The following SLC51A variants were observed in gnomAD, a reference collection of about 807,000 sequenced individuals.
SLC51A encodes organic solute transporter subunit alpha.
In SLC51A, 22 loss-of-function variants were observed where a neutral mutation model predicts 34.8. That is an observed-to-expected ratio of 0.63 (90% CI 0.45 to 0.90). The LOEUF (loss-of-function observed/expected upper bound fraction) is 0.90. Ranked by LOEUF, SLC51A falls within the 40% of genes least tolerant of loss-of-function variation. The probability of loss-of-function intolerance (pLI) is 0.00; values close to 1 mark genes in which losing one functional copy is unlikely to be tolerated. For synonymous variants in SLC51A, 181 were observed against 176.3 expected, an observed-to-expected ratio of 1.03 and a Z score of -0.21; for missense variants, 371 against 414.8, an observed-to-expected ratio of 0.89 and a Z score of 0.92.
At position 196,227,752 on chromosome 3, in the gene SLC51A, T is replaced by C; in HGVS notation, c.362+15T>C. ...ACCATCACCTCGTGAGTGCCCTGCCTCGCCCCACCTCCAAGGGCCCCTCTG... is the reference window on the plus strand; with the variant it reads ...ACCATCACCTCGTGAGTGCCCTGCCCCGCCCCACCTCCAAGGGCCCCTCTG... On this transcript the variant is annotated intron_variant, in intron 4 of 8. Coordinates refer to ENST00000296327, the MANE Select transcript of SLC51A (RefSeq NM_152672.6). 1 of 1,606,438 alleles carries C rather than the reference T, an allele frequency of 6.2e-7. No homozygotes were observed. The highest frequency in any genetic ancestry group is 8.5e-7 in the Non-Finnish European group (1 of 1,176,604).
At position 196,233,067 on chromosome 3, in the gene SLC51A, G is replaced by T. The variant is rs767262068; in HGVS notation, c.891G>T (p.Met297Ile). The T allele has an allele frequency of 1.2e-6, 2 of 1,614,102 alleles. No homozygotes were observed. Among genetic ancestry groups the T allele is most frequent in the Non-Finnish European group, 1.7e-6 (2 of 1,179,976 alleles). The change falls in exon 9 of 9, where the codon ATG (methionine) becomes ATT (isoleucine). Residue 297 changes from methionine (M) to isoleucine (I), a missense_variant. By Grantham distance (10) the Met-to-Ile change is conservative. Coordinates refer to ENST00000296327, the MANE Select transcript of SLC51A (RefSeq NM_152672.6). ...PYSSKTRSQV[M>I]NCHLLILETF... Reference sequence around the variant, plus strand: ...GTATTTCACCCTACACTGCAGTGATGAATTGCCACCTCCTCATACTGGAGA... The same window carrying T: ...GTATTTCACCCTACACTGCAGTGATTAATTGCCACCTCCTCATACTGGAGA...
At chr3:196,226,623 A>G (rs1180701306) in intron 2 of SLC51A, 1 of 162,590 alleles carries the variant, frequency 6.2e-6, no homozygotes, top group African/African-American at 2.4e-5. Flanking sequence ...AAAATATAAA[A>G]ATTAGCCGGG....
intron 1 of SLC51A, among the ~76,000 whole-genome samples, chr3:196,217,107 T>C (rs1723605077): frequency 6.6e-6 from 1 of 152,228 alleles, no homozygotes; most frequent in Non-Finnish European, 1.5e-5. Flanking sequence ...GTCCCTGGGC[T>C]GCTGCCCGAC....
At chr3:196,227,472 C>G in intron 3 of SLC51A, 192 bp from the exon 4 acceptor site, 2 of 618,390 alleles carry the variant, frequency 3.2e-6, no homozygotes. Flanking sequence ...CACCCTTACG[C>G]TGAGGCTTTT....
rs1189921144 is a variant in SLC51A, at chr3:196,228,508, A to C, written c.521+235A>C. ...TGCACCCTGCAAGCCTTAGCCACAC[A>C]GAGAAAACTGGACTTGGGGCCATTC... On this transcript the variant is annotated intron_variant, in intron 5 of 8. Coordinates refer to ENST00000296327, the MANE Select transcript of SLC51A (RefSeq NM_152672.6). This position sits in a 1 kb window ranked among gnomAD's most constrained non-coding sequence, Gnocchi z 4.9. The C allele has an allele frequency of 1.6e-6, 1 of 625,668 alleles. No individual in the cohort carries two copies. The highest frequency in any genetic ancestry group is 1.8e-5 in the African/African-American group (1 of 54,390). 38.8% of individuals were successfully genotyped at this position (625,668 alleles called of 1,614,324 possible).
intron 3 of SLC51A, 90 bp downstream of exon 3, chr3:196,227,209 G>GTCA: frequency 3.5e-6 from 5 of 1,433,100 alleles, no homozygotes; most frequent in South Asian, 1.3e-5. Context: ...CGTCACTTCG[G>GTCA]CAAAGAGTGT....
At position 196,227,821 on chromosome 3, in the gene SLC51A, G is replaced by A. The variant is rs79977409; in HGVS notation, c.362+84G>A. The A allele has an allele frequency of 3.5e-4, 472 of 1,330,680 alleles. 4 individuals carry two copies. The African/African-American group carries it at 6.4e-3, about 18-fold the overall frequency. 82.4% of individuals were successfully genotyped at this position (1,330,680 alleles called of 1,614,324 possible). On this transcript the variant is annotated intron_variant, in intron 4 of 8. Coordinates refer to ENST00000296327, the MANE Select transcript of SLC51A (RefSeq NM_152672.6). ...CGAGTCCGTGTCCTTGATCCCAGCT[G>A]ACCATGTATCTGGCCCTTCCCAGCT...
At chr3:196,219,888 G>A (rs186233989) in intron 2 of SLC51A, among the ~76,000 whole-genome samples, 4 of 152,328 alleles carry the variant, frequency 2.6e-5, no homozygotes, top group East Asian at 3.9e-4. Context: ...CAATGAAAAC[G>A]GTTCTCACAT....
chr3:196,217,847 C>T lies in SLC51A; in HGVS notation c.44C>T (p.Thr15Ile), dbSNP rs753168013. The T allele has an allele frequency of 1.9e-6, 3 of 1,613,488 alleles. No individual in the cohort carries two copies. Among genetic ancestry groups the T allele is most frequent in the Admixed American group, 1.7e-5 (1 of 59,970 alleles). Reference protein sequence around the residue: ...RTQIKLDPRYTADLLEVLKTN... With the variant: ...RTQIKLDPRYIADLLEVLKTN... ...ACAGGCTGGTGTCTCGCCAGGTACA[C>T]AGCAGATCTTCTGGAGGTGCTGAAG... The change falls in exon 2 of 9, where the codon ACA (threonine) becomes ATA (isoleucine). Residue 15 changes from threonine (T) to isoleucine (I), a missense_variant. Physicochemically the swap from Thr to Ile is moderately conservative, Grantham distance 89. Coordinates refer to ENST00000296327, the MANE Select transcript of SLC51A (RefSeq NM_152672.6).
chr3:196,219,086 C>T (rs1040906852), intron 2 of SLC51A, among the ~76,000 whole-genome samples: 1 of 151,978 alleles, frequency 6.6e-6, no homozygotes, highest in Non-Finnish European at 1.5e-5. Flanking sequence ...ATTAGCCAGG[C>T]GTGGTGGCGG....
Position 196,228,253 on chromosome 3 carries a change from T to G in SLC51A, c.501T>G (p.Cys167Trp). The change falls in exon 5 of 9, where the codon TGT (cysteine) becomes TGG (tryptophan). Residue 167 changes from cysteine (C) to tryptophan (W), a missense_variant. Transcript: ENST00000296327. This position sits in a 1 kb window ranked among gnomAD's most constrained non-coding sequence, Gnocchi z 4.9. ...CCTGCTGCTGCTGCTGCCCCTGCTG[T>G]CCACGGCTGCTGCTCACCAGGTGAG... Reference protein sequence around the residue: ...TGPCCCCCPCCPRLLLTRKKL... With the variant: ...TGPCCCCCPCWPRLLLTRKKL... The G allele has an allele frequency of 6.2e-7, 1 of 1,612,646 alleles. No individual in the cohort carries two copies. Among genetic ancestry groups the G allele is most frequent in the Non-Finnish European group, 8.5e-7 (1 of 1,179,776 alleles).
rs148056503 is a variant in SLC51A at position 196,232,236 on chromosome 3, G to T, written c.781-183G>T. Among the ~76,000 whole-genome samples the T allele has an allele frequency of 2.8e-3, 431 of 152,336 alleles. 1 individual carries two copies. The highest frequency in any genetic ancestry group is 0.01 in the African/African-American group (419 of 41,576). On this transcript the variant is annotated intron_variant, in intron 7 of 8. Transcript: ENST00000296327. ...TGGGTAGAAAATAAGAATGTCATTT[G>T]CCTAAAGATGAAAATCCCACAGATT...
intron 2 of SLC51A, among the ~76,000 whole-genome samples, chr3:196,221,405 TG>T (rs1337242911): frequency 6.6e-6 from 1 of 151,960 alleles, no homozygotes; most frequent in Non-Finnish European, 1.5e-5. Flanking sequence ...TAGCTGGGAC[TG>T]CAGGCACACA....
intron 2 of SLC51A, among the ~76,000 whole-genome samples, chr3:196,218,725 C>T (rs1723660560): frequency 6.6e-6 from 1 of 152,188 alleles, no homozygotes; most frequent in Non-Finnish European, 1.5e-5. Flanking sequence ...CGTCCATCTA[C>T]TGCTTTGATT....
At chr3:196,224,404 G>T (rs1723841095) in intron 2 of SLC51A, among the ~76,000 whole-genome samples, 2 of 146,768 alleles carry the variant, frequency 1.4e-5, no homozygotes, top group Non-Finnish European at 3.1e-5. Flanking sequence ...CAGTAGAAAC[G>T]CGGTTGTCGG....
Position 196,227,737 on chromosome 3 carries a change from C to T in SLC51A, c.362C>T (p.Ser121Leu), listed in dbSNP as rs746289096. 11 of 1,611,782 alleles carry T rather than the reference C, an allele frequency of 6.8e-6. No individual in the cohort carries two copies. The highest frequency in any genetic ancestry group is 1.7e-5 in the Admixed American group (1 of 59,652). The change falls in exon 4 of 9, where the codon TCG becomes TTG. Residue 121 changes from serine (S) to leucine (L), a missense_variant and splice_region_variant. By Grantham distance (145) the Ser-to-Leu change is moderately radical (BLOSUM62 -2). Transcript: ENST00000296327. The part of the protein sequence containing the change: ...SLVLVEMTIT[S>L]FYAVCFYLLM... ...GTGCTGGTGGAAATGACCATCACCTCGTGAGTGCCCTGCCTCGCCCCACCT... is the reference window on the plus strand; with the variant it reads ...GTGCTGGTGGAAATGACCATCACCTTGTGAGTGCCCTGCCTCGCCCCACCT...
chr3:196,229,777 C>T, intron 6 of SLC51A, 138 bp from the exon 7 acceptor site: 1 of 975,502 alleles, frequency 1.0e-6, no homozygotes, highest in Non-Finnish European at 1.4e-6. Context: ...TCACTGGAGC[C>T]AGGAGTGTGA....
At chr3:196,227,761 C>T (rs1723933644) in intron 4 of SLC51A, 24 bp downstream of exon 4, 2 of 1,599,750 alleles carry the variant, frequency 1.3e-6, no homozygotes, top group African/African-American at 1.3e-5. Context: ...CTCGCCCCAC[C>T]TCCAAGGGCC....
chr3:196,220,038 C>T (rs1428968946), intron 2 of SLC51A, among the ~76,000 whole-genome samples: 2 of 152,168 alleles, frequency 1.3e-5, no homozygotes, highest in Non-Finnish European at 2.9e-5. Context: ...AGGGAAGCTG[C>T]GAGGATGAGT....
Sources: allele counts gnomAD v4.1 joint callset (sites outside exome capture counted in the v4.1 genomes callset), GRCh38; gene constraint gnomAD v4.1.1; non-coding constraint Gnocchi (gnomAD v3.1); transcripts MANE v1.5; gene names NCBI Gene and HGNC (gene_info 2026-07-23, HGNC 2026-07-21).